Variants in PDE4D observed in about 807,000 individuals in gnomAD.
The protein encoded by PDE4D is 3',5'-cyclic-AMP phosphodiesterase 4D.
Under a neutral mutation model 87.4 loss-of-function variants are expected in PDE4D, and 24 were observed. The ratio of observed to expected loss-of-function variants is 0.27; its 90% confidence interval spans 0.20 to 0.39. The LOEUF (loss-of-function observed/expected upper bound fraction) is 0.39. Among genes scored for constraint, PDE4D ranks in the 10% least tolerant of loss-of-function variants. The probability of loss-of-function intolerance (pLI) is 1.00; values close to 1 mark genes in which losing one functional copy is unlikely to be tolerated. For missense variants in PDE4D, 714 were observed against 1,041.0 expected (o/e 0.69, Z 4.32); for synonymous variants, 384 against 383.2 (o/e 1.00, Z -0.02).
Position 59,589,271 on chromosome 5 carries a change from T to C in PDE4D, c.455+303897A>G, listed in dbSNP as rs145711665. On this transcript the variant is annotated intron_variant, in intron 1 of 14. Transcript: ENST00000340635. ...ACCACCTTGTTATACTTTTATACTTTCTAAAATATTATTGTTATATGTATT... is the reference window on the plus strand; with the variant it reads ...ACCACCTTGTTATACTTTTATACTTCCTAAAATATTATTGTTATATGTATT... 4.6e-3 allele frequency among the ~76,000 whole-genome samples: 704 copies of C among 152,342 alleles called. 4 individuals carry two copies. Among genetic ancestry groups the C allele is most frequent in the African/African-American group, 0.016 (677 of 41,586 alleles).
chr5:60,223,959 T>A (rs530073709), intron 1 of PDE4D, among the ~76,000 whole-genome samples: 1 of 152,066 alleles, frequency 6.6e-6, no homozygotes, highest in Non-Finnish European at 1.5e-5. Flanking sequence ...CCCCCCTTTT[T>A]CCTGGGTAGT....
intron 2 of PDE4D, among the ~76,000 whole-genome samples, chr5:60,025,755 A>G (rs527669714): frequency 6.6e-6 from 1 of 152,262 alleles, no homozygotes; most frequent in South Asian, 2.1e-4. Flanking sequence ...ATGATTTAAA[A>G]AAAACCCTAA....
chr5:60,446,836 C>T (rs1287993328), intron 1 of PDE4D, among the ~76,000 whole-genome samples: 3 of 152,054 alleles, frequency 2.0e-5, no homozygotes, highest in South Asian at 2.1e-4. Context: ...CCTAATTCTG[C>T]GCCTGCCCCC....
At chr5:59,029,404 G>A (rs1490762442) in intron 6 of PDE4D, among the ~76,000 whole-genome samples, 16 of 106,780 alleles carry the variant, frequency 1.5e-4, no homozygotes, top group East Asian at 1.0e-3. Flanking sequence ...GCAACAGAGC[G>A]AGACTCCATC....
intron 1 of PDE4D, among the ~76,000 whole-genome samples, chr5:59,509,954 T>TATTATA (rs1430199991): frequency 2.0e-5 from 3 of 148,160 alleles, no homozygotes; most frequent in Admixed American, 6.7e-5. Context: ...ATTTTTTGAA[T>TATTATA]ATTATAATTA....
At chr5:59,714,417 T>C (rs1252470323) in intron 1 of PDE4D, among the ~76,000 whole-genome samples, 1 of 152,196 alleles carries the variant, frequency 6.6e-6, no homozygotes, top group Non-Finnish European at 1.5e-5. Context: ...CTGAGGTGCC[T>C]GGCCTGGGGG....
intron 1 of PDE4D, among the ~76,000 whole-genome samples, chr5:60,424,739 A>G (rs1176182331): frequency 2.6e-5 from 4 of 152,242 alleles, no homozygotes; most frequent in Non-Finnish European, 5.9e-5. Flanking sequence ...GAGGAAGTCA[A>G]ACTGTCCCTG....
chr5:59,133,922 C>A (rs1561542983), intron 5 of PDE4D, among the ~76,000 whole-genome samples: 1 of 152,036 alleles, frequency 6.6e-6, no homozygotes, highest in African/African-American at 2.4e-5. Flanking sequence ...CTTTCTTCTC[C>A]ATGTGGAATG....
intron 1 of PDE4D, among the ~76,000 whole-genome samples, chr5:59,766,078 A>G (rs1762755020): frequency 1.3e-5 from 2 of 152,238 alleles, no homozygotes; most frequent in Admixed American, 1.3e-4. Flanking sequence ...TTTATGTCAG[A>G]ACAATTTGAA....
intron 5 of PDE4D, among the ~76,000 whole-genome samples, chr5:59,058,210 C>T (rs1355899824): frequency 6.6e-6 from 1 of 152,124 alleles, no homozygotes; most frequent in Non-Finnish European, 1.5e-5. Context: ...GTTTCTAATG[C>T]ATCTGAGAAT....
At chr5:60,140,570 A>C (rs1169775010) in intron 2 of PDE4D, among the ~76,000 whole-genome samples, 1 of 152,036 alleles carries the variant, frequency 6.6e-6, no homozygotes, top group Non-Finnish European at 1.5e-5. Context: ...AAAAAGAAAG[A>C]AATTGTATCC....
intron 1 of PDE4D, among the ~76,000 whole-genome samples, chr5:60,278,968 A>G (rs1463725813): frequency 1.3e-5 from 2 of 152,144 alleles, no homozygotes; most frequent in African/African-American, 4.8e-5. Flanking sequence ...AATTTATTAA[A>G]ACCTGTTCAT....
rs954835229 is a variant in PDE4D at position 60,135,211 on chromosome 5, A to G, written c.42+50346T>C. On this transcript the variant is annotated intron_variant, in intron 2 of 16. Transcript: ENST00000502484. The stretch of plus-strand genomic sequence containing the variant: ...ATGTAGACACAACTATAAGGTGCCA[A>G]CTATGAACCAGAAAGCACACCCTCA... 2.0e-5 allele frequency among the ~76,000 whole-genome samples: 3 copies of G among 152,318 alleles called. No homozygotes were observed. In the East Asian group the frequency reaches 5.8e-4, roughly 29 times the overall value.
chr5:59,345,674 C>T lies in PDE4D; in HGVS notation c.456-129706G>A, dbSNP rs13357723. 8.3e-3 allele frequency among the ~76,000 whole-genome samples: 1,262 copies of T among 152,238 alleles called. 19 individuals carry two copies. Among genetic ancestry groups the T allele is most frequent in the African/African-American group, 0.029 (1,207 of 41,552 alleles). On this transcript the variant is annotated intron_variant, in intron 1 of 14. Coordinates refer to ENST00000340635, the MANE Select transcript of PDE4D (RefSeq NM_001104631.2). Reference sequence around the variant, plus strand: ...TGATGACATTGTTATTACAGGCAAACATTTTTTAAGATGCCATCACTGAAA... The same window carrying T: ...TGATGACATTGTTATTACAGGCAAATATTTTTTAAGATGCCATCACTGAAA...
intron 2 of PDE4D, among the ~76,000 whole-genome samples, chr5:60,048,941 G>C (rs910884625): frequency 2.0e-5 from 3 of 152,126 alleles, no homozygotes; most frequent in African/African-American, 7.2e-5. Flanking sequence ...AGTTCTCCTG[G>C]ATAATATCCT....
intron 1 of PDE4D, among the ~76,000 whole-genome samples, chr5:60,461,306 C>A (rs779666906): frequency 6.6e-6 from 1 of 152,124 alleles, no homozygotes; most frequent in Non-Finnish European, 1.5e-5. Context: ...TTGCACAATC[C>A]CACTTATACT....
chr5:60,267,132 G>A lies in PDE4D; in HGVS notation c.-89-81445C>T, dbSNP rs140315669. 6.3e-3 allele frequency among the ~76,000 whole-genome samples: 953 copies of A among 152,294 alleles called. 11 individuals carry two copies. Among genetic ancestry groups the A allele is most frequent in the African/African-American group, 0.022 (917 of 41,558 alleles). On this transcript the variant is annotated intron_variant, in intron 1 of 16. Transcript: ENST00000502484. ...AGAATAAGGACGTAAAACTGTCCGTGTGTTTCCGTTACATTTACATTAGAA... is the reference window on the plus strand; with the variant it reads ...AGAATAAGGACGTAAAACTGTCCGTATGTTTCCGTTACATTTACATTAGAA...
intron 1 of PDE4D, among the ~76,000 whole-genome samples, chr5:60,484,184 GA>G (rs1344056869): frequency 7.1e-6 from 1 of 139,918 alleles, no homozygotes; most frequent in African/African-American, 2.6e-5. Context: ...GTCAAGACAG[GA>G]ATTAAAAAAA....
intron 2 of PDE4D, among the ~76,000 whole-genome samples, chr5:60,098,669 G>T (rs1378980116): frequency 1.3e-5 from 2 of 151,954 alleles, no homozygotes; most frequent in Non-Finnish European, 2.9e-5. Context: ...TAAGTTTTTT[G>T]ATGAAGTTTT....
Sources: allele counts gnomAD v4.1 joint callset (sites outside exome capture counted in the v4.1 genomes callset), GRCh38; gene constraint gnomAD v4.1.1; transcripts MANE v1.5; gene names NCBI Gene and HGNC (gene_info 2026-07-23, HGNC 2026-07-21).